Variants in VTI1A observed in about 807,000 individuals in gnomAD.
VTI1A encodes the protein vesicle transport through interaction with t-SNAREs 1A.
Under a neutral mutation model 34.9 loss-of-function variants are expected in VTI1A, and 22 were observed. That is an observed-to-expected ratio of 0.63 (90% confidence interval 0.45 to 0.90). VTI1A has a LOEUF of 0.90. Among genes scored for constraint, VTI1A ranks in the 40% least tolerant of loss-of-function variants. The pLI is 0.00. For missense variants in VTI1A, 268 were observed against 275.6 expected, an observed-to-expected ratio of 0.97 and a Z score of 0.20; for synonymous variants, 87 against 97.3, an observed-to-expected ratio of 0.89 and a Z score of 0.62.
intron 5 of VTI1A, among the ~76,000 whole-genome samples, chr10:112,597,695 T>TTTTC (rs1450389733): frequency 4.4e-4 from 37 of 84,744 alleles, no homozygotes; most frequent in African/African-American, 2.3e-3. Flanking sequence ...CCTTGTCTCT[T>TTTTC]TTTTTTTTTT....
intron 3 of VTI1A, among the ~76,000 whole-genome samples, chr10:112,487,880 AG>A (rs1303158635): frequency 6.6e-6 from 1 of 152,226 alleles, no homozygotes; most frequent in African/African-American, 2.4e-5. Flanking sequence ...TTTTGGTAGT[AG>A]TTAATAGGTA....
intron 7 of VTI1A, among the ~76,000 whole-genome samples, chr10:112,694,441 G>C (rs1240130953): frequency 1.3e-5 from 2 of 151,890 alleles, no homozygotes; most frequent in Non-Finnish European, 2.9e-5. Flanking sequence ...AAGAACAGAC[G>C]AGCTGTGACA....
At chr10:112,605,251 C>T (rs544847729) in intron 5 of VTI1A, among the ~76,000 whole-genome samples, 14 of 152,206 alleles carry the variant, frequency 9.2e-5, no homozygotes, top group African/African-American at 3.4e-4. Context: ...TGTGTAGTGT[C>T]CCCTTGCCTT....
chr10:112,546,560 C>CT lies in VTI1A; in HGVS notation c.427+8232dup, dbSNP rs1851137424. On this transcript the variant is annotated intron_variant, in intron 5 of 7. Transcript: ENST00000393077. ...CTCAGGAACATGTGAGTAGGCATTA[C>CT]TTGTCCGCTAGAATAGCTAGTAAAG... Among the ~76,000 whole-genome samples, 3 of 152,136 alleles carry CT rather than the reference C, an allele frequency of 2.0e-5. No individual in the cohort carries two copies. In the South Asian group the frequency reaches 6.2e-4, roughly 31 times the overall value.
intron 7 of VTI1A, among the ~76,000 whole-genome samples, chr10:112,679,722 G>A (rs753342110): frequency 1.3e-4 from 19 of 151,340 alleles, no homozygotes; most frequent in Non-Finnish European, 2.7e-4. Context: ...CTATTCCACT[G>A]CCCACCTATC....
chr10:112,592,155 A>T (rs1016567983), intron 5 of VTI1A, among the ~76,000 whole-genome samples: 2 of 152,328 alleles, frequency 1.3e-5, no homozygotes, highest in Non-Finnish European at 1.5e-5. Flanking sequence ...AGGAGTTTGG[A>T]AATGGATACA....
chr10:112,835,467 C>T, the VTI1A span, among the ~76,000 whole-genome samples: 2 of 152,134 alleles, frequency 1.3e-5, no homozygotes, highest in African/African-American at 4.8e-5. Flanking sequence ...AATGAAGCTG[C>T]TGTACAAGCC....
At chr10:112,709,408 C>A (rs1254792258) in intron 7 of VTI1A, among the ~76,000 whole-genome samples, 2 of 152,102 alleles carry the variant, frequency 1.3e-5, no homozygotes, top group Non-Finnish European at 2.9e-5. Context: ...CCTCTGCTGG[C>A]CCTCAGCCTT....
chr10:112,613,963 T>C (rs1254319828), intron 5 of VTI1A, among the ~76,000 whole-genome samples: 1 of 152,198 alleles, frequency 6.6e-6, no homozygotes, highest in Non-Finnish European at 1.5e-5. Context: ...GCTGTTCCTT[T>C]TTTTTCGTCC....
rs75201126 is a variant in VTI1A, at chr10:112,642,608, AGTGTGTGT to A, written c.428-25597_428-25590del. Among the ~76,000 whole-genome samples, 305 of 150,284 alleles carry A rather than the reference AGTGTGTGT, an allele frequency of 2.0e-3. 2 individuals are homozygous for A. Among genetic ancestry groups the A allele is most frequent in the African/African-American group, 7.1e-3 (291 of 41,074 alleles). On this transcript the variant is annotated intron_variant, in intron 5 of 7. Transcript: ENST00000393077. ...CGTATACACTCATAGTATACAGGGT[AGTGTGTGT>A]GTGTGTGTGTGTATGTGCATGCTAA...
chr10:112,483,777 CAGAGAGAG>C (rs10554766), intron 3 of VTI1A, among the ~76,000 whole-genome samples: 1 of 150,932 alleles, frequency 6.6e-6, no homozygotes, highest in Non-Finnish European at 1.5e-5. Flanking sequence ...ATGGGGATTT[CAGAGAGAG>C]AGAGAGAGAG....
At chr10:112,705,799 C>G (rs573375044) in intron 7 of VTI1A, among the ~76,000 whole-genome samples, 3 of 152,226 alleles carry the variant, frequency 2.0e-5, no homozygotes, top group East Asian at 1.9e-4. Flanking sequence ...TCCAAGGAAC[C>G]TTAACATTTG....
chr10:112,561,523 T>C (rs1851725308), intron 5 of VTI1A, among the ~76,000 whole-genome samples: 1 of 152,250 alleles, frequency 6.6e-6, no homozygotes, highest in Non-Finnish European at 1.5e-5. Context: ...AAAATCTCTT[T>C]GGTTGCCTAC....
intron 5 of VTI1A, among the ~76,000 whole-genome samples, chr10:112,636,599 C>T (rs545108156): frequency 3.8e-4 from 57 of 151,858 alleles, no homozygotes; most frequent in Non-Finnish European, 5.2e-4. Flanking sequence ...TGTGGTGGTG[C>T]GCACCTGTAG....
intron 7 of VTI1A, among the ~76,000 whole-genome samples, chr10:112,705,493 G>A (rs115421922): frequency 1.2e-4 from 19 of 152,024 alleles, no homozygotes; most frequent in African/African-American, 4.3e-4. Flanking sequence ...CCAAAGGCAC[G>A]CCCCTCTTCT....
chr10:112,628,375 T>C (rs770273318), intron 5 of VTI1A, among the ~76,000 whole-genome samples: 38 of 152,222 alleles, frequency 2.5e-4, no homozygotes, highest in Non-Finnish European at 3.8e-4. Flanking sequence ...ATTTGAATTC[T>C]ATCAGTGAAA....
At chr10:112,521,091 C>T (rs1850010937) in intron 3 of VTI1A, among the ~76,000 whole-genome samples, 1 of 151,986 alleles carries the variant, frequency 6.6e-6, no homozygotes, top group Non-Finnish European at 1.5e-5. Flanking sequence ...GTATTGGTGA[C>T]ATGTGGCATG....
intron 7 of VTI1A, among the ~76,000 whole-genome samples, chr10:112,803,346 G>C (rs1852944499): frequency 6.6e-6 from 1 of 152,250 alleles, no homozygotes; most frequent in Admixed American, 6.5e-5. Flanking sequence ...GGGATTACAG[G>C]CATGAGCCAC....
At chr10:112,788,338 T>C (rs1441923971) in intron 7 of VTI1A, among the ~76,000 whole-genome samples, 1 of 152,208 alleles carries the variant, frequency 6.6e-6, no homozygotes, top group Non-Finnish European at 1.5e-5. Context: ...ATTAGGTGTG[T>C]GTATGTTTAT....
Sources: gnomAD v4.1 joint callset for allele counts (sites outside exome capture counted in the v4.1 genomes callset) on GRCh38, gnomAD v4.1.1 for gene constraint, MANE v1.5 for transcripts, NCBI Gene and HGNC (gene_info 2026-07-23, HGNC 2026-07-21) for gene names.